The following GRID1 variants were observed in gnomAD, a reference collection of about 807,000 sequenced individuals.
The protein encoded by GRID1 is glutamate ionotropic receptor delta type subunit 1, also known as glutamate receptor ionotropic, delta-1.
In GRID1, 28 loss-of-function variants were observed where a neutral mutation model predicts 98.0. That is an observed-to-expected ratio of 0.29 (90% CI 0.21 to 0.39). The LOEUF is 0.39. Among genes scored for constraint, GRID1 ranks in the 10% least tolerant of loss-of-function variants. The pLI is 1.00. For missense variants in GRID1, 1,111 were observed against 1,340.5 expected (o/e 0.83, Z 2.67); for synonymous variants, 553 against 538.5 (o/e 1.03, Z -0.37).
chr10:85,994,358 C>T (rs562047997), intron 4 of GRID1, among the ~76,000 whole-genome samples: 2 of 152,324 alleles, frequency 1.3e-5, no homozygotes, highest in South Asian at 4.1e-4. Context: ...GAGGACAAAG[C>T]TCACCTGGCA....
rs375855339 is a variant in GRID1, at chr10:85,613,579, C to A, written c.2429G>T (p.Arg810Leu). 1.2e-4 allele frequency: 200 copies of A among 1,614,124 alleles called. No individual in the cohort carries two copies. Among genetic ancestry groups the A allele is most frequent in the East Asian group, 3.3e-4 (15 of 44,886 alleles). Residue 810 changes from arginine to leucine, a missense_variant, in exon 15 of 16, where the codon CGC becomes CTC. By Grantham distance (102) the Arg-to-Leu change is moderately radical (BLOSUM62 -2). Around this residue, in one of 3 missense-constraint regions of GRID1, gnomAD observed 762 missense variants for 869.1 expected, o/e 0.88. Coordinates refer to ENST00000327946, the MANE Select transcript of GRID1 (RefSeq NM_017551.3). ...GCTGGCATGGCTGGTGAGGTCACAGCGGCCCATGTGCGGCCACCACTTCTG... is the reference window on the plus strand; with the variant it reads ...GCTGGCATGGCTGGTGAGGTCACAGAGGCCCATGTGCGGCCACCACTTCTG... ...LKQKWWPHMG[R>L]CDLTSHASAQ...
At chr10:85,843,997 C>A (rs1225073552) in intron 8 of GRID1, among the ~76,000 whole-genome samples, 1 of 152,088 alleles carries the variant, frequency 6.6e-6, no homozygotes, top group South Asian at 2.1e-4. Context: ...ACTGCCCTAA[C>A]TGCAAATAAT....
chr10:86,097,672 T>C (rs1479949150), intron 4 of GRID1, among the ~76,000 whole-genome samples: 3 of 152,078 alleles, frequency 2.0e-5, no homozygotes, highest in Admixed American at 6.6e-5. Flanking sequence ...ATGCATACTA[T>C]AACACAATCT....
intron 8 of GRID1, among the ~76,000 whole-genome samples, chr10:85,812,377 G>A (rs774841768): frequency 6.6e-6 from 1 of 152,048 alleles, no homozygotes; most frequent in Non-Finnish European, 1.5e-5. Context: ...TACAAACCTG[G>A]AACTTGATAA....
intron 8 of GRID1, among the ~76,000 whole-genome samples, chr10:85,835,769 G>T (rs1350096642): frequency 6.6e-6 from 1 of 152,104 alleles, no homozygotes; most frequent in Non-Finnish European, 1.5e-5. Context: ...CACAAAGATA[G>T]ATCATATCCT....
At chr10:86,131,785 G>A (rs546319099) in intron 4 of GRID1, among the ~76,000 whole-genome samples, 1 of 152,256 alleles carries the variant, frequency 6.6e-6, no homozygotes, top group South Asian at 2.1e-4. Flanking sequence ...CTGCTTGGCT[G>A]GAGTGTTAAG....
intron 12 of GRID1, among the ~76,000 whole-genome samples, chr10:85,659,228 T>C (rs1005935961): frequency 1.3e-5 from 2 of 152,216 alleles, no homozygotes; most frequent in Non-Finnish European, 2.9e-5. Flanking sequence ...GGTGTGTTCA[T>C]GTAAGAGTGT....
Position 86,195,642 on chromosome 10 carries a change from C to T in GRID1, c.520+10722G>A, listed in dbSNP as rs773247418. On this transcript the variant is annotated intron_variant, in intron 3 of 15. Transcript: ENST00000327946. This position sits in a 1 kb window ranked among gnomAD's most constrained non-coding sequence, Gnocchi z 4.4. ...TGGGGGTTGGCAGCAAACAAGCCCCCGCGGCGACCACGCCATCAGGTGGGT... is the reference window on the plus strand; with the variant it reads ...TGGGGGTTGGCAGCAAACAAGCCCCTGCGGCGACCACGCCATCAGGTGGGT... Among the ~76,000 whole-genome samples the T allele has an allele frequency of 2.2e-4, 34 of 152,134 alleles. No homozygotes were observed. The highest frequency in any genetic ancestry group is 4.1e-4 in the African/African-American group (17 of 41,436).
intron 8 of GRID1, among the ~76,000 whole-genome samples, chr10:85,737,506 A>C (rs1286656640): frequency 6.6e-6 from 1 of 151,814 alleles, no homozygotes; most frequent in African/African-American, 2.4e-5. Flanking sequence ...ACAGGATAAA[A>C]GGACTGACCA....
chr10:86,114,731 C>T (rs1281421009), intron 4 of GRID1, among the ~76,000 whole-genome samples: 3 of 152,192 alleles, frequency 2.0e-5, no homozygotes, highest in Non-Finnish European at 2.9e-5. Context: ...CACTGAGTTC[C>T]GCACTCTGTC....
chr10:86,144,123 T>A (rs1845051170), intron 3 of GRID1, among the ~76,000 whole-genome samples: 1 of 152,136 alleles, frequency 6.6e-6, no homozygotes, highest in Non-Finnish European at 1.5e-5. Context: ...GAACTTAACA[T>A]TTCAGAGGCT....
chr10:86,011,896 G>A (rs1219893998), intron 4 of GRID1, among the ~76,000 whole-genome samples: 4 of 152,160 alleles, frequency 2.6e-5, no homozygotes, highest in East Asian at 3.9e-4. Flanking sequence ...GAGGGCTTAC[G>A]CCTATAATCA....
rs1843022292 is a variant in GRID1 at position 85,847,925 on chromosome 10, AAC to A, written c.1233+6569_1233+6570del. On this transcript the variant is annotated intron_variant, in intron 8 of 15. Coordinates refer to ENST00000327946, the MANE Select transcript of GRID1 (RefSeq NM_017551.3). The stretch of plus-strand genomic sequence containing the variant: ...AACTATTTATTGGAACAAAATATTG[AAC>A]ACAAATAACTATCAATTCCTTTCTG... Among the ~76,000 whole-genome samples, 2 of 152,208 alleles carry A rather than the reference AAC, an allele frequency of 1.3e-5. 1 individual carries two copies. Among genetic ancestry groups the A allele is most frequent in the South Asian group, 4.1e-4 (2 of 4,832 alleles).
chr10:86,213,012 G>A (rs1272937009), intron 2 of GRID1, among the ~76,000 whole-genome samples: 1 of 152,004 alleles, frequency 6.6e-6, no homozygotes, highest in Non-Finnish European at 1.5e-5. Context: ...CCAGAGCACA[G>A]GACACACACT....
chr10:86,364,502 C>T (rs144876213), intron 1 of GRID1, among the ~76,000 whole-genome samples: 3,759 of 151,862 alleles, frequency 0.025, 69 homozygotes, highest in Middle Eastern at 0.068. Flanking sequence ...CCAGGAAGTT[C>T]CCCGGGAGGG....
At chr10:86,123,829 G>T (rs951669683) in intron 4 of GRID1, among the ~76,000 whole-genome samples, 2 of 152,184 alleles carry the variant, frequency 1.3e-5, no homozygotes, top group Non-Finnish European at 1.5e-5. Context: ...CTGATTGCTT[G>T]CTCCTCACAG....
At chr10:85,701,970 G>A (rs1038937715) in intron 12 of GRID1, among the ~76,000 whole-genome samples, 1 of 152,004 alleles carries the variant, frequency 6.6e-6, no homozygotes, top group African/African-American at 2.4e-5. Flanking sequence ...ATGGGGAAAA[G>A]TACATGAAGA....
At chr10:86,054,890 C>A (rs1843551790) in intron 4 of GRID1, among the ~76,000 whole-genome samples, 1 of 152,176 alleles carries the variant, frequency 6.6e-6, no homozygotes, top group Admixed American at 6.5e-5. Context: ...GATATTGTGA[C>A]TTTCTTTGGC....
At chr10:85,976,390 G>T (rs1389694746) in intron 4 of GRID1, among the ~76,000 whole-genome samples, 1 of 152,198 alleles carries the variant, frequency 6.6e-6, no homozygotes, top group Non-Finnish European at 1.5e-5. Context: ...CCCCCAGGGA[G>T]TGGGGATGCC....
Sources: allele counts gnomAD v4.1 joint callset (sites outside exome capture counted in the v4.1 genomes callset), GRCh38; gene constraint gnomAD v4.1.1; regional missense constraint gnomAD v4.1.1; non-coding constraint Gnocchi (gnomAD v3.1); transcripts MANE v1.5; gene names NCBI Gene and HGNC (gene_info 2026-07-23, HGNC 2026-07-21).